The following GOLM1 variants were observed in gnomAD, a reference collection of about 807,000 sequenced individuals.
The protein encoded by GOLM1 is golgi membrane protein 1, also known as epididymis luminal protein 46.
A neutral mutation model predicts 50.5 loss-of-function variants in GOLM1; 31 were observed. The ratio of observed to expected loss-of-function variants is 0.61; its 90% CI spans 0.46 to 0.83. The LOEUF (loss-of-function observed/expected upper bound fraction) is 0.83, where lower values mean the gene tolerates loss of function less well. Ranked by LOEUF, GOLM1 falls within the 40% of genes least tolerant of loss-of-function variation. GOLM1 has a pLI of 0.00. For synonymous variants in GOLM1, 178 were observed against 192.8 expected, an observed-to-expected ratio of 0.92 and a Z score of 0.64; for missense variants, 491 against 501.3, an observed-to-expected ratio of 0.98 and a Z score of 0.20.
chr9:86,093,866 T>G (rs1268778538), intron 1 of GOLM1, among the ~76,000 whole-genome samples: 2 of 152,172 alleles, frequency 1.3e-5, no homozygotes, highest in East Asian at 3.9e-4. Context: ...ATAGGAGCAA[T>G]CGCGTCAGAT....
At chr9:86,093,397 A>G (rs2118906047) in intron 1 of GOLM1, among the ~76,000 whole-genome samples, 1 of 150,974 alleles carries the variant, frequency 6.6e-6, no homozygotes, top group South Asian at 2.1e-4. Flanking sequence ...AAAAAAAAGA[A>G]ACAACAACAA....
chr9:86,033,395 C>T lies in GOLM1; in HGVS notation c.1016G>A (p.Gly339Glu), dbSNP rs772995729. 22 of 1,570,518 alleles carry T rather than the reference C, an allele frequency of 1.4e-5. No individual in the cohort carries two copies. Among genetic ancestry groups the T allele is most frequent in the Non-Finnish European group, 1.9e-5 (22 of 1,140,342 alleles). ...QEEEQEAAGE[G>E]RNQQKLRGED... is the part of the protein sequence containing the mutation. ...TCCTCTCAGTTTCTGCTGGTTTCTC[C>T]CTGTAAAATTAGCACATAAAACATA... The change falls in exon 9 of 10, where the codon GGG becomes GAG. Residue 339 changes from glycine (G) to glutamate (E), a missense_variant and splice_region_variant. Coordinates refer to ENST00000388712, the MANE Select transcript of GOLM1 (RefSeq NM_016548.4).
chr9:86,066,742 A>G (rs1834318336), intron 3 of GOLM1, among the ~76,000 whole-genome samples: 1 of 152,002 alleles, frequency 6.6e-6, no homozygotes, highest in African/African-American at 2.4e-5. Context: ...AAATGAACAC[A>G]ATAGCAGGAA....
rs1226944827 is a variant in GOLM1 at position 86,027,062 on chromosome 9, C to CT, written c.*754dup. ...TGTCAAAAACCTAATCTGCTTCTTG[C>CT]TTTTCTTGGTAATATATATTTAGGG... On this transcript the variant is annotated 3_prime_UTR_variant, in exon 10 of 10. Coordinates refer to ENST00000388712, the MANE Select transcript of GOLM1 (RefSeq NM_016548.4). The CT allele has an allele frequency of 3.8e-5, 37 of 985,246 alleles. No individual in the cohort carries two copies. Among genetic ancestry groups the CT allele is most frequent in the Non-Finnish European group, 3.9e-5 (32 of 829,918 alleles). The allele number at this position is 985,246 out of a possible 1,614,324, so 61.0% of individuals were successfully genotyped here. A position where few individuals can be genotyped will look rare whatever the true frequency, so the allele number is the denominator to read the frequency against.
In GOLM1 at chr9:86,088,420, G is replaced by GTATATATATA. The variant is rs71505775; in HGVS notation, c.-21-9089_-21-9080dup. ...TGGATTCGTTGTTTTTTTGAAGGGT[G>GTATATATATA]TATATATATATATATATATATATAT... is the stretch of plus-strand genomic sequence containing the variant. On this transcript the variant is annotated intron_variant, in intron 1 of 9. Coordinates refer to ENST00000388712, the MANE Select transcript of GOLM1 (RefSeq NM_016548.4). 7.5e-3 allele frequency among the ~76,000 whole-genome samples: 649 copies of GTATATATATA among 86,148 alleles called. 12 individuals carry two copies. Among genetic ancestry groups the GTATATATATA allele is most frequent in the African/African-American group, 0.016 (269 of 17,338 alleles). The allele number at this position is 86,148 out of a possible 152,430, so 56.5% of individuals were successfully genotyped here.
rs559436146 is a variant in GOLM1 at position 86,061,023 on chromosome 9, G to A, written c.310-8432C>T. Among the ~76,000 whole-genome samples the A allele has an allele frequency of 2.6e-5, 4 of 151,394 alleles. No homozygotes were observed. In the East Asian group the frequency reaches 7.7e-4, roughly 29 times the overall value. ...TATGATCATGGTATTGTGGCTATGAGAGACAGACAATCCCACCTTTTCAGG... is the reference window on the plus strand; with the variant it reads ...TATGATCATGGTATTGTGGCTATGAAAGACAGACAATCCCACCTTTTCAGG... On this transcript the variant is annotated intron_variant, in intron 3 of 9. Coordinates refer to ENST00000388712, the MANE Select transcript of GOLM1 (RefSeq NM_016548.4).
intron 1 of GOLM1, among the ~76,000 whole-genome samples, chr9:86,097,377 A>T (rs1554676277): frequency 1.3e-5 from 2 of 152,216 alleles, no homozygotes; most frequent in Non-Finnish European, 2.9e-5. Flanking sequence ...AAGTGCTTTT[A>T]AAAAATCCCA....
At chr9:86,090,366 G>A (rs1835138721) in intron 1 of GOLM1, among the ~76,000 whole-genome samples, 1 of 152,182 alleles carries the variant, frequency 6.6e-6, no homozygotes, top group South Asian at 2.1e-4. Context: ...TCCCCCAGGT[G>A]CTCTGTCCCA....
intron 1 of GOLM1, among the ~76,000 whole-genome samples, chr9:86,094,375 A>C (rs1471286076): frequency 6.6e-6 from 1 of 152,216 alleles, no homozygotes. Context: ...TAAATGACCA[A>C]GGTCACTGTG....
rs144640112 is a variant in GOLM1 at position 86,041,223 on chromosome 9, C to T, written c.468-355G>A. 1.3e-3 allele frequency among the ~76,000 whole-genome samples: 203 copies of T among 152,220 alleles called. 1 individual carries two copies. Among genetic ancestry groups the T allele is most frequent in the Middle Eastern group, 0.01 (3 of 292 alleles). ...TGGAAGTTCCTGAGTGGATATCTGG[C>T]GATTCACAAGCCCCTCTGGACCATA... On this transcript the variant is annotated intron_variant, in intron 5 of 9. Transcript: ENST00000388712.
chr9:86,056,504 ATTTT>A (rs375381791), intron 3 of GOLM1, among the ~76,000 whole-genome samples: 6,690 of 138,800 alleles, frequency 0.048, 179 homozygotes, highest in Middle Eastern at 0.11. Context: ...TTTTATTTAA[ATTTT>A]TTTTTTTTTT....
chr9:86,098,051 C>T lies in GOLM1; in HGVS notation c.-22+1360G>A, dbSNP rs113313617. ...AGCACTACTTTCCTCTCATTTCTTT[C>T]GTTTTCCTGTAAAACCAACTTTAAA... is the stretch of plus-strand genomic sequence containing the variant. On this transcript the variant is annotated intron_variant, in intron 1 of 9. Transcript: ENST00000388712. Among the ~76,000 whole-genome samples, 4 of 152,202 alleles carry T rather than the reference C, an allele frequency of 2.6e-5. 1 individual carries two copies. The highest frequency in any genetic ancestry group is 9.6e-5 in the African/African-American group (4 of 41,534).
At chr9:86,040,603 G>T in intron 6 of GOLM1, 136 bp downstream of exon 6, 2 of 751,618 alleles carry the variant, frequency 2.7e-6, no homozygotes, top group Non-Finnish European at 4.4e-6. Context: ...ACCAGGTTCT[G>T]CTCTGTTATA....
chr9:86,061,913 AC>A (rs1321777136), intron 3 of GOLM1, among the ~76,000 whole-genome samples: 3 of 152,070 alleles, frequency 2.0e-5, no homozygotes, highest in Non-Finnish European at 2.9e-5. Flanking sequence ...AGGGCAGGGG[AC>A]CCAGATGGGC....
At chr9:86,057,408 T>G (rs535627345) in intron 3 of GOLM1, among the ~76,000 whole-genome samples, 2 of 152,058 alleles carry the variant, frequency 1.3e-5, no homozygotes, top group African/African-American at 4.8e-5. Context: ...CTGTAAAAAG[T>G]AGAAGGTGAC....
intron 3 of GOLM1, among the ~76,000 whole-genome samples, chr9:86,074,845 C>G (rs902262601): frequency 6.6e-6 from 1 of 152,138 alleles, no homozygotes; most frequent in African/African-American, 2.4e-5. Flanking sequence ...CTTGGTTCCA[C>G]CTCCCTCAGT....
At chr9:86,094,746 G>GTT (rs1479064749) in intron 1 of GOLM1, among the ~76,000 whole-genome samples, 2 of 152,122 alleles carry the variant, frequency 1.3e-5, no homozygotes, top group Non-Finnish European at 1.5e-5. Context: ...ATTGGGCAAT[G>GTT]TTATGCAGGG....
intron 3 of GOLM1, among the ~76,000 whole-genome samples, chr9:86,055,983 A>AAACG (rs143159640): frequency 4.4e-5 from 1 of 22,674 alleles, no homozygotes; most frequent in Admixed American, 2.6e-4. Flanking sequence ...AAAAAAACAA[A>AAACG]AACAAACCAA....
At chr9:86,069,359 A>G (rs1363161994) in intron 3 of GOLM1, among the ~76,000 whole-genome samples, 1 of 152,204 alleles carries the variant, frequency 6.6e-6, no homozygotes, top group African/African-American at 2.4e-5. Flanking sequence ...TGCTTCTACT[A>G]AGTTACATAA....
Sources: gnomAD v4.1 joint callset for allele counts (sites outside exome capture counted in the v4.1 genomes callset) on GRCh38, gnomAD v4.1.1 for gene constraint, MANE v1.5 for transcripts, NCBI Gene and HGNC (gene_info 2026-07-23, HGNC 2026-07-21) for gene names.